TACC2: variants seen among roughly 807,000 people sequenced by gnomAD.
TACC2 encodes transforming acidic coiled-coil containing protein 2, also known as transforming acidic coiled-coil-containing protein 2.
A neutral mutation model predicts 227.3 loss-of-function variants in TACC2; 137 were observed. That is an observed-to-expected ratio of 0.60 (90% CI 0.52 to 0.69). TACC2 has a LOEUF of 0.69. TACC2 is among the 30% of genes least tolerant of loss of function. TACC2 has a pLI of 0.00. For missense variants in TACC2, 3,470 were observed against 3,694.4 expected (o/e 0.94, Z 1.57); for synonymous variants, 1,523 against 1,487.5 (o/e 1.02, Z -0.55).
intron 7 of TACC2, among the ~76,000 whole-genome samples, chr10:122,148,152 G>A (rs560834550): frequency 1.4e-3 from 207 of 147,778 alleles, no homozygotes; most frequent in African/African-American, 5.2e-3. Flanking sequence ...AGCCCAGGCT[G>A]GAGTGCAATG....
At chr10:121,994,975 G>T (rs1287127942) in intron 1 of TACC2, among the ~76,000 whole-genome samples, 2 of 152,146 alleles carry the variant, frequency 1.3e-5, no homozygotes, top group Non-Finnish European at 2.9e-5. Flanking sequence ...AAGGAGTTGC[G>T]CTGGATGATT....
At chr10:122,092,602 T>C (rs10887064) in intron 5 of TACC2, among the ~76,000 whole-genome samples, 53,214 of 152,080 alleles carry the variant, frequency 0.35, 11,297 homozygotes, top group Non-Finnish European at 0.49. Flanking sequence ...GTAGCATAAA[T>C]TTGTTTACTG....
intron 22 of TACC2, among the ~76,000 whole-genome samples, chr10:122,251,220 T>C (rs2096248544): frequency 6.6e-6 from 1 of 152,190 alleles, no homozygotes; most frequent in South Asian, 2.1e-4. Flanking sequence ...ATTAATTTAA[T>C]TTTTTACCTT....
At chr10:122,165,046 G>C (rs180755424) in intron 7 of TACC2, among the ~76,000 whole-genome samples, 126 of 152,222 alleles carry the variant, frequency 8.3e-4, no homozygotes, top group African/African-American at 2.8e-3. Flanking sequence ...TGGTTTTCTG[G>C]GCTCCAGCTC....
intron 7 of TACC2, among the ~76,000 whole-genome samples, chr10:122,172,451 G>A (rs1050779226): frequency 6.6e-6 from 1 of 152,168 alleles, no homozygotes; most frequent in African/African-American, 2.4e-5. Flanking sequence ...AGGGGCTCCA[G>A]CCTCTCACGG....
chr10:122,018,100 C>T (rs1956917775), intron 1 of TACC2, among the ~76,000 whole-genome samples: 1 of 151,564 alleles, frequency 6.6e-6, no homozygotes. Flanking sequence ...ATCTATTGAC[C>T]CATCCTCCAA....
Position 122,227,884 on chromosome 10 carries a change from A to G in TACC2, c.7772A>G (p.Asn2591Ser). 6.2e-7 allele frequency: 1 copy of G among 1,614,118 alleles called. No homozygotes were observed. Among genetic ancestry groups the G allele is most frequent in the Non-Finnish European group, 8.5e-7 (1 of 1,180,026 alleles). The change falls in exon 14 of 23, where the codon AAC becomes AGC. Residue 2591 changes from asparagine (N) to serine (S), a missense_variant. By Grantham distance (46) the Asn-to-Ser change is conservative. Coordinates refer to ENST00000369005, the MANE Select transcript of TACC2 (RefSeq NM_206862.4). ...GCCCTTGTGAACACTGCTGCGAAAAACCAGCATCCTGTCCCACGAGGACTG... is the reference window on the plus strand; with the variant it reads ...GCCCTTGTGAACACTGCTGCGAAAAGCCAGCATCCTGTCCCACGAGGACTG... ...TEALVNTAAK[N>S]QHPVPRGLAP...
At chr10:122,178,223 GTTTTT>G (rs971737241) in intron 7 of TACC2, among the ~76,000 whole-genome samples, 1 of 147,688 alleles carries the variant, frequency 6.8e-6, no homozygotes, top group Non-Finnish European at 1.5e-5. Flanking sequence ...TTTTATAAGG[GTTTTT>G]TTCTTTCTTT....
chr10:122,092,385 T>C (rs562085883), intron 5 of TACC2, among the ~76,000 whole-genome samples: 14 of 152,292 alleles, frequency 9.2e-5, no homozygotes, highest in African/African-American at 3.1e-4. Context: ...TCAAGTTACC[T>C]CCAGAAGAGC....
intron 5 of TACC2, among the ~76,000 whole-genome samples, chr10:122,110,752 T>C (rs11200404): frequency 0.32 from 48,515 of 152,138 alleles, 8,974 homozygotes; most frequent in South Asian, 0.43. Context: ...ACCAGGTACC[T>C]ACTGCATTAG....
intron 7 of TACC2, chr10:122,163,943 C>T: frequency 1.3e-6 from 2 of 1,585,450 alleles, no homozygotes; most frequent in Non-Finnish European, 1.7e-6. Context: ...GTCGCAGTCC[C>T]TGCAGCCAGC....
chr10:122,044,148 T>C (rs1450678614), intron 2 of TACC2, among the ~76,000 whole-genome samples: 1 of 152,272 alleles, frequency 6.6e-6, no homozygotes, highest in Non-Finnish European at 1.5e-5. Context: ...GCTTCGAAGC[T>C]TATTCATTTC....
chr10:122,105,618 T>TA (rs1443443726), intron 5 of TACC2, among the ~76,000 whole-genome samples: 1 of 142,844 alleles, frequency 7.0e-6, no homozygotes. Context: ...CGTCCTGTCT[T>TA]AAACACTTTT....
At chr10:122,201,766 C>A (rs1048173994) in intron 8 of TACC2, among the ~76,000 whole-genome samples, 1 of 152,172 alleles carries the variant, frequency 6.6e-6, no homozygotes, top group Non-Finnish European at 1.5e-5. Context: ...CCAAGCACCG[C>A]AGGTGTTGTC....
intron 3 of TACC2, among the ~76,000 whole-genome samples, chr10:122,056,626 T>G (rs2076236673): frequency 6.6e-6 from 1 of 151,764 alleles, no homozygotes; most frequent in African/African-American, 2.4e-5. Flanking sequence ...AGAGCTGGAG[T>G]GGACAAGGAG....
At position 122,186,992 on chromosome 10, in the gene TACC2, A is replaced by G. The variant is rs551108176; in HGVS notation, c.5835-8048A>G. On this transcript the variant is annotated intron_variant, in intron 7 of 22. Coordinates refer to ENST00000369005, the MANE Select transcript of TACC2 (RefSeq NM_206862.4). ...TCTCCAGGAAGGCGTAGCAGGATCT[A>G]GTTACAAATCGGTGAAATCATGAGC... 2.6e-5 allele frequency among the ~76,000 whole-genome samples: 4 copies of G among 152,250 alleles called. No homozygotes were observed. The South Asian group carries it at 6.2e-4, about 24-fold the overall frequency.
intron 1 of TACC2, among the ~76,000 whole-genome samples, chr10:121,991,190 C>CT (rs1465400644): frequency 1.4e-4 from 21 of 152,230 alleles, no homozygotes; most frequent in African/African-American, 5.1e-4. Context: ...AAAGAGAGGG[C>CT]TTTTATTTAT....
intron 1 of TACC2, among the ~76,000 whole-genome samples, chr10:121,992,334 C>T (rs534660314): frequency 2.0e-5 from 3 of 152,170 alleles, no homozygotes; most frequent in East Asian, 1.9e-4. Flanking sequence ...TTTTAAGAGC[C>T]GAAAAAGTGC....
At chr10:122,132,480 C>A in intron 5 of TACC2, 129 bp from the exon 6 acceptor site, 2 of 1,105,910 alleles carry the variant, frequency 1.8e-6, no homozygotes, top group Non-Finnish European at 2.7e-6. Context: ...ACCCTGGAGA[C>A]AGAGTTTGCA....
Sources: gnomAD v4.1 joint callset for allele counts (sites outside exome capture counted in the v4.1 genomes callset) on GRCh38, gnomAD v4.1.1 for gene constraint, MANE v1.5 for transcripts, NCBI Gene and HGNC (gene_info 2026-07-23, HGNC 2026-07-21) for gene names.